The following THEM4 variants were observed in gnomAD, a reference collection of about 807,000 sequenced individuals.
The protein encoded by THEM4 is acyl-coenzyme A thioesterase THEM4.
In THEM4, 22 loss-of-function variants were observed where a neutral mutation model predicts 25.0. The ratio of observed to expected loss-of-function variants is 0.88; its 90% confidence interval spans 0.63 to 1.26. THEM4 has a LOEUF of 1.26. Among genes scored for constraint, THEM4 ranks in the 50% most tolerant of loss-of-function variants. THEM4 has a pLI of 0.00. For synonymous variants in THEM4, 113 were observed against 105.6 expected, an observed-to-expected ratio of 1.07 and a Z score of -0.43; for missense variants, 286 against 300.3, an observed-to-expected ratio of 0.95 and a Z score of 0.35.
At position 151,874,523 on chromosome 1, in the gene THEM4, C is replaced by A. The variant is rs151047512; in HGVS notation, c.*365G>T. On this transcript the variant is annotated 3_prime_UTR_variant, in exon 6 of 6. Coordinates refer to ENST00000368814, the MANE Select transcript of THEM4 (RefSeq NM_053055.5). ...CTGAGTAGCTGGGACTACAGGCGTA[C>A]GCCACCATGCCTGGATAATTTTTTG... 1 of 214,216 alleles carries A rather than the reference C, an allele frequency of 4.7e-6. No individual in the cohort carries two copies. The highest frequency in any genetic ancestry group is 2.3e-5 in the African/African-American group (1 of 43,054). The allele number at this position is 214,216 out of a possible 1,614,324, so 13.3% of individuals were successfully genotyped here.
chr1:151,887,431 A>AAAAAAT (rs1558190554), intron 4 of THEM4, among the ~76,000 whole-genome samples: 1 of 146,594 alleles, frequency 6.8e-6, no homozygotes, highest in Admixed American at 6.8e-5. Flanking sequence ...CTTTGTCTCA[A>AAAAAAT]AATAATAATA....
chr1:151,874,856 G>A lies in THEM4; in HGVS notation c.*32C>T. ...GGGGACAACTGCTTCTTCTGGAGGGGCGAGAATGAGATGGAGTTCACCAGC... is the reference window on the plus strand; with the variant it reads ...GGGGACAACTGCTTCTTCTGGAGGGACGAGAATGAGATGGAGTTCACCAGC... On this transcript the variant is annotated 3_prime_UTR_variant, in exon 6 of 6. Transcript: ENST00000368814. The A allele has an allele frequency of 7.5e-6, 12 of 1,608,250 alleles. No homozygotes were observed. The highest frequency in any genetic ancestry group is 1.0e-5 in the Non-Finnish European group (12 of 1,175,636).
At chr1:151,884,877 C>T (rs1257316663) in intron 4 of THEM4, among the ~76,000 whole-genome samples, 1 of 151,392 alleles carries the variant, frequency 6.6e-6, no homozygotes, top group Non-Finnish European at 1.5e-5. Flanking sequence ...TTAGTAGAGA[C>T]GGGGTTTCAC....
intron 4 of THEM4, among the ~76,000 whole-genome samples, chr1:151,887,452 A>T (rs749894710): frequency 5.3e-5 from 8 of 151,982 alleles, no homozygotes; most frequent in Non-Finnish European, 8.8e-5. Context: ...ATAATAATAA[A>T]AAAATTAAAA....
At chr1:151,875,496 C>T (rs954905280) in intron 5 of THEM4, among the ~76,000 whole-genome samples, 1 of 152,074 alleles carries the variant, frequency 6.6e-6, no homozygotes, top group Non-Finnish European at 1.5e-5. Flanking sequence ...ACAACTTACA[C>T]ACTGTAAGGA....
chr1:151,888,251 T>C (rs779318996), intron 4 of THEM4, 22 bp downstream of exon 4: 41 of 1,584,688 alleles, frequency 2.6e-5, no homozygotes, highest in South Asian at 5.6e-5. Flanking sequence ...TAAGGATAAA[T>C]AGAGAATTAC....
chr1:151,904,574 CA>C (rs1654416135), intron 1 of THEM4, among the ~76,000 whole-genome samples: 1 of 152,102 alleles, frequency 6.6e-6, no homozygotes, highest in Non-Finnish European at 1.5e-5. Context: ...TAGAAAGCTC[CA>C]TCTGGTGTAA....
intron 4 of THEM4, among the ~76,000 whole-genome samples, chr1:151,885,236 A>C (rs971675935): frequency 6.6e-6 from 1 of 151,992 alleles, no homozygotes; most frequent in African/African-American, 2.4e-5. Flanking sequence ...CTTCTGCCTC[A>C]GCCCCCCAAA....
At chr1:151,875,722 C>A (rs1247848709) in intron 5 of THEM4, among the ~76,000 whole-genome samples, 1 of 152,134 alleles carries the variant, frequency 6.6e-6, no homozygotes, top group Non-Finnish European at 1.5e-5. Context: ...ACCGAGAAGT[C>A]ATTTTATAGT....
chr1:151,903,711 T>C (rs1322721608), intron 1 of THEM4, among the ~76,000 whole-genome samples: 2 of 152,254 alleles, frequency 1.3e-5, no homozygotes, highest in African/African-American at 2.4e-5. Flanking sequence ...GTATAAGCTT[T>C]GGAGTTATGA....
At chr1:151,906,304 G>T (rs1654464822) in intron 1 of THEM4, among the ~76,000 whole-genome samples, 1 of 152,360 alleles carries the variant, frequency 6.6e-6, no homozygotes, top group African/African-American at 2.4e-5. Flanking sequence ...AGGGTGTACT[G>T]GGTCCCCCAG....
intron 2 of THEM4, among the ~76,000 whole-genome samples, chr1:151,892,192 G>C (rs1654109288): frequency 6.6e-6 from 1 of 152,124 alleles, no homozygotes; most frequent in Admixed American, 6.6e-5. Flanking sequence ...AGCGAATGAG[G>C]GTTGGATGAA....
intron 4 of THEM4, among the ~76,000 whole-genome samples, chr1:151,879,858 A>G (rs752768838): frequency 6.6e-5 from 10 of 151,774 alleles, no homozygotes; most frequent in Non-Finnish European, 1.2e-4. Flanking sequence ...GGGTTTCACC[A>G]TGTTAGCCAG....
rs372125601 is a variant in THEM4 at position 151,886,443 on chromosome 1, C to T, written c.557+1830G>A. ...CCGTTTACATTTATTTTTTTAGGAA[C>T]GATGTTATACTTCATTATTCAACTT... is the stretch of plus-strand genomic sequence containing the variant. On this transcript the variant is annotated intron_variant, in intron 4 of 5. Coordinates refer to ENST00000368814, the MANE Select transcript of THEM4 (RefSeq NM_053055.5). Among the ~76,000 whole-genome samples the T allele has an allele frequency of 9.1e-4, 138 of 152,008 alleles. 2 individuals are homozygous for T. In the South Asian group the frequency reaches 0.025, roughly 28 times the overall value.
chr1:151,895,682 GA>G (rs34981561), intron 1 of THEM4, among the ~76,000 whole-genome samples: 8 of 142,870 alleles, frequency 5.6e-5, no homozygotes, highest in Admixed American at 1.4e-4. Flanking sequence ...AGTATTACAG[GA>G]AAAAAAAAAA....
intron 4 of THEM4, among the ~76,000 whole-genome samples, chr1:151,883,187 G>A (rs1242791983): frequency 1.3e-5 from 2 of 151,364 alleles, no homozygotes; most frequent in African/African-American, 2.4e-5. Flanking sequence ...GCGCAATCTC[G>A]GCTCACTGCA....
intron 4 of THEM4, among the ~76,000 whole-genome samples, chr1:151,880,252 C>A (rs1653780731): frequency 1.3e-5 from 2 of 151,336 alleles, no homozygotes; most frequent in Non-Finnish European, 2.9e-5. Context: ...CCGAGGTGGG[C>A]GGATCACGAG....
chr1:151,898,261 T>A (rs1211241004), intron 1 of THEM4, among the ~76,000 whole-genome samples: 1 of 151,650 alleles, frequency 6.6e-6, no homozygotes, highest in Non-Finnish European at 1.5e-5. Flanking sequence ...ATGGTGGGAG[T>A]GAGACCGGCC....
In THEM4 at chr1:151,889,192, A is replaced by G. The variant is rs112316186; in HGVS notation, c.446+22T>C. 329 of 1,608,414 alleles carry G rather than the reference A, an allele frequency of 2.0e-4. 1 individual carries two copies. Among genetic ancestry groups the G allele is most frequent in the Non-Finnish European group, 2.6e-4 (304 of 1,177,782 alleles). On this transcript the variant is annotated intron_variant, in intron 3 of 5. Transcript: ENST00000368814. ...TAAGATAAAAATCTTTTAGATCCAC[A>G]CTTTCAGGCTATCATTCTTACCCAG...
Sources: gnomAD v4.1 joint callset for allele counts (sites outside exome capture counted in the v4.1 genomes callset) on GRCh38, gnomAD v4.1.1 for gene constraint, MANE v1.5 for transcripts, NCBI Gene and HGNC (gene_info 2026-07-23, HGNC 2026-07-21) for gene names.